The following TAFA2 variants were observed in gnomAD, a reference collection of about 807,000 sequenced individuals.
TAFA2 encodes the protein chemokine-like protein TAFA-2.
TAFA2 carries 7 observed loss-of-function variants against 18.8 expected under a neutral mutation model. The ratio of observed to expected loss-of-function variants is 0.37; its 90% confidence interval spans 0.21 to 0.70. The LOEUF is 0.70. Among genes scored for constraint, TAFA2 ranks in the 30% least tolerant of loss-of-function variants. The pLI is 0.53. For missense variants in TAFA2, 122 were observed against 158.1 expected, an observed-to-expected ratio of 0.77 and a Z score of 1.23; for synonymous variants, 60 against 54.2, an observed-to-expected ratio of 1.11 and a Z score of -0.47.
chr12:62,252,900 C>A (rs1266860493), intron 1 of TAFA2: 2 of 152,150 alleles, frequency 1.3e-5, no homozygotes, highest in African/African-American at 4.8e-5. Flanking sequence ...GCACTATTGG[C>A]AGGAAAGGAA....
At chr12:62,110,283 T>C (rs1869664633) in intron 1 of TAFA2, among the ~76,000 whole-genome samples, 1 of 152,190 alleles carries the variant, frequency 6.6e-6, no homozygotes, top group African/African-American at 2.4e-5. Context: ...ATTCTCTTTA[T>C]TGATTTGTGT....
chr12:62,066,950 T>G (rs1192766327), intron 1 of TAFA2, among the ~76,000 whole-genome samples: 1 of 152,094 alleles, frequency 6.6e-6, no homozygotes, highest in Non-Finnish European at 1.5e-5. Flanking sequence ...AGGGTTCCCT[T>G]TTCTCCACAT....
intron 1 of TAFA2, among the ~76,000 whole-genome samples, chr12:62,096,496 G>C (rs1868956458): frequency 6.6e-6 from 1 of 152,084 alleles, no homozygotes; most frequent in South Asian, 2.1e-4. Context: ...AAATGAACCA[G>C]ACCAAGGTCT....
chr12:62,071,495 A>T (rs1360119018), intron 1 of TAFA2, among the ~76,000 whole-genome samples: 1 of 152,132 alleles, frequency 6.6e-6, no homozygotes, highest in Non-Finnish European at 1.5e-5. Context: ...TACTCCAAGC[A>T]CTTTGGGAGG....
rs188345710 is a variant in TAFA2, at chr12:62,176,606, T to C, written c.-2+14653A>G. 4.1e-3 allele frequency among the ~76,000 whole-genome samples: 625 copies of C among 152,290 alleles called. 6 individuals carry two copies. The highest frequency in any genetic ancestry group is 6.8e-3 in the Middle Eastern group (2 of 294). On this transcript the variant is annotated intron_variant, in intron 1 of 4. Transcript: ENST00000416284. The stretch of plus-strand genomic sequence containing the variant: ...GTACATAACATGAATTTTTCAAATT[T>C]CCTTAGATGCTAGTTCCTTATTTTA...
intron 1 of TAFA2, among the ~76,000 whole-genome samples, chr12:61,947,286 A>G (rs1159125816): frequency 1.4e-5 from 2 of 139,824 alleles, no homozygotes; most frequent in African/African-American, 2.6e-5. Context: ...GAAGGGGAAT[A>G]TCACACTCTG....
chr12:62,017,542 T>C (rs1880978938), intron 1 of TAFA2, among the ~76,000 whole-genome samples: 1 of 152,148 alleles, frequency 6.6e-6, no homozygotes, highest in Non-Finnish European at 1.5e-5. Flanking sequence ...TATCTTAAAA[T>C]TAACTCAACT....
intron 2 of TAFA2, among the ~76,000 whole-genome samples, chr12:61,865,072 C>T (rs978220378): frequency 6.6e-6 from 1 of 152,114 alleles, no homozygotes; most frequent in Non-Finnish European, 1.5e-5. Flanking sequence ...GGATTCTTTT[C>T]ATTTATATAT....
chr12:62,199,118 G>A (rs1241831122), intron 1 of TAFA2, among the ~76,000 whole-genome samples: 1 of 152,200 alleles, frequency 6.6e-6, no homozygotes, highest in Non-Finnish European at 1.5e-5. Flanking sequence ...GCAGTGCATT[G>A]CCTCCGTCAT....
chr12:61,909,420 T>C (rs774202590), intron 1 of TAFA2, among the ~76,000 whole-genome samples: 1 of 152,270 alleles, frequency 6.6e-6, no homozygotes, highest in Middle Eastern at 3.4e-3. Context: ...TATCATCATA[T>C]GGGAAAATGT....
chr12:61,934,422 A>T (rs753386333), intron 1 of TAFA2, among the ~76,000 whole-genome samples: 1 of 152,234 alleles, frequency 6.6e-6, no homozygotes, highest in Non-Finnish European at 1.5e-5. Context: ...AATGACACAA[A>T]TTAAAGTTAA....
At chr12:62,220,969 T>C (rs540510504) in intron 1 of TAFA2, among the ~76,000 whole-genome samples, 2 of 151,630 alleles carry the variant, frequency 1.3e-5, no homozygotes, top group South Asian at 4.2e-4. Flanking sequence ...TAGCCGGGCA[T>C]GGTAGCGGGC....
chr12:61,804,187 A>G (rs1871515884), intron 2 of TAFA2, among the ~76,000 whole-genome samples: 1 of 152,000 alleles, frequency 6.6e-6, no homozygotes, highest in African/African-American at 2.4e-5. Flanking sequence ...GGCTTCCTAT[A>G]CTTTAAAAGA....
chr12:61,759,738 A>G (rs1869446840), intron 2 of TAFA2, among the ~76,000 whole-genome samples: 1 of 152,024 alleles, frequency 6.6e-6, no homozygotes, highest in Admixed American at 6.6e-5. Context: ...CCAAAGCCCA[A>G]GTCATCCTAG....
chr12:61,734,864 C>G (rs762113189), intron 4 of TAFA2, among the ~76,000 whole-genome samples: 1 of 151,972 alleles, frequency 6.6e-6, no homozygotes, highest in Admixed American at 6.6e-5. Context: ...CCCTTCATCA[C>G]CCCTTCTTTC....
chr12:61,999,721 A>G (rs778400261), intron 1 of TAFA2, among the ~76,000 whole-genome samples: 10 of 152,242 alleles, frequency 6.6e-5, no homozygotes, highest in African/African-American at 1.2e-4. Context: ...GGCATTGCAT[A>G]TCAGCATTTA....
At chr12:61,762,650 T>TATAC (rs1460042477) in intron 2 of TAFA2, among the ~76,000 whole-genome samples, 7 of 150,256 alleles carry the variant, frequency 4.7e-5, no homozygotes, top group South Asian at 2.1e-4. Flanking sequence ...TATATATATA[T>TATAC]ACATACACAT....
At chr12:62,239,756 G>A (rs2062853761) in intron 1 of TAFA2, among the ~76,000 whole-genome samples, 1 of 152,322 alleles carries the variant, frequency 6.6e-6, no homozygotes, top group Admixed American at 6.5e-5. Flanking sequence ...ATGTGACCGA[G>A]TGAGTCTTCA....
intron 1 of TAFA2, among the ~76,000 whole-genome samples, chr12:61,922,021 G>A (rs528853295): frequency 2.3e-4 from 35 of 152,328 alleles, no homozygotes; most frequent in African/African-American, 7.5e-4. Context: ...CTGAATGTTC[G>A]ATTTAGCAAT....
Sources: gnomAD v4.1 joint callset for allele counts (sites outside exome capture counted in the v4.1 genomes callset) on GRCh38, gnomAD v4.1.1 for gene constraint, MANE v1.5 for transcripts, NCBI Gene and HGNC (gene_info 2026-07-23, HGNC 2026-07-21) for gene names.